Variants in KHDRBS2 observed in about 807,000 individuals in gnomAD.
The protein encoded by KHDRBS2 is KH domain-containing, RNA-binding, signal transduction-associated protein 2.
In KHDRBS2, 26 loss-of-function variants were observed where a neutral mutation model predicts 44.3. The observed-to-expected ratio is 0.59, with a 90% CI of 0.43 to 0.81. The LOEUF (loss-of-function observed/expected upper bound fraction) is 0.81. Among genes scored for constraint, KHDRBS2 ranks in the 40% least tolerant of loss-of-function variants. The pLI is 0.00. For missense variants in KHDRBS2, 476 were observed against 433.1 expected (o/e 1.10, Z -0.88); for synonymous variants, 194 against 151.1 (o/e 1.28, Z -2.08).
chr6:62,220,403 T>C (rs1460477470), intron 1 of KHDRBS2, among the ~76,000 whole-genome samples: 2 of 151,890 alleles, frequency 1.3e-5, no homozygotes, highest in Admixed American at 6.6e-5. Context: ...ACAGTAACAA[T>C]ATTTTGGTGG....
At chr6:61,662,907 C>T in the KHDRBS2 span, among the ~76,000 whole-genome samples, 1 of 151,864 alleles carries the variant, frequency 6.6e-6, no homozygotes, top group African/African-American at 2.4e-5. Context: ...TGGGTATATA[C>T]CCAAAGGATT....
At chr6:61,606,958 T>G in the KHDRBS2 span, among the ~76,000 whole-genome samples, 1 of 152,094 alleles carries the variant, frequency 6.6e-6, no homozygotes, top group Admixed American at 6.5e-5. Flanking sequence ...TGTGATCAAA[T>G]AGTCAAGAAT....
rs376298733 is a variant in KHDRBS2, at chr6:61,736,212, TCACA to T, written c.811-3452_811-3449del. Among the ~76,000 whole-genome samples the T allele has an allele frequency of 1.1e-3, 144 of 135,638 alleles. 1 individual carries two copies. Among genetic ancestry groups the T allele is most frequent in the African/African-American group, 3.2e-3 (116 of 36,348 alleles). 89.0% of individuals were successfully genotyped at this position (135,638 alleles called of 152,430 possible). Reference sequence around the variant, plus strand: ...TATCTCTTATTCTTTTTACTTTACTTCACACACACACACACACACACACACACAC... The same window carrying T: ...TATCTCTTATTCTTTTTACTTTACTTCACACACACACACACACACACACAC... On this transcript the variant is annotated intron_variant, in intron 6 of 8. Coordinates refer to ENST00000281156, the MANE Select transcript of KHDRBS2 (RefSeq NM_152688.4).
In KHDRBS2 at chr6:62,120,626, C is replaced by T. The variant is rs1366433659; in HGVS notation, c.219+56559G>A. Among the ~76,000 whole-genome samples, 3 of 152,134 alleles carry T rather than the reference C, an allele frequency of 2.0e-5. No individual in the cohort carries two copies. The East Asian group carries it at 5.8e-4, about 29-fold the overall frequency. ...AGAGCTCTGGCATTGGCTAATTAAT[C>T]ATGGTATTCCTAGAAGCGAAAATGA... On this transcript the variant is annotated intron_variant, in intron 2 of 8. Transcript: ENST00000281156.
intron 4 of KHDRBS2, among the ~76,000 whole-genome samples, chr6:61,940,358 C>G (rs1309374240): frequency 2.6e-5 from 4 of 152,100 alleles, no homozygotes; most frequent in African/African-American, 9.7e-5. Flanking sequence ...GGTCCATATT[C>G]CCACCATGGA....
At chr6:61,553,950 G>A in the KHDRBS2 span, among the ~76,000 whole-genome samples, 3 of 152,166 alleles carry the variant, frequency 2.0e-5, no homozygotes, top group African/African-American at 4.8e-5. Flanking sequence ...TGTGTGCCAT[G>A]TGCTGATGCA....
chr6:62,069,828 T>A (rs1461973889), intron 2 of KHDRBS2, among the ~76,000 whole-genome samples: 1 of 151,820 alleles, frequency 6.6e-6, no homozygotes, highest in Non-Finnish European at 1.5e-5. Flanking sequence ...AATGGTATCA[T>A]GGTCTGTGTT....
chr6:61,651,829 T>G, the KHDRBS2 span, among the ~76,000 whole-genome samples: 1 of 152,114 alleles, frequency 6.6e-6, no homozygotes, highest in Admixed American at 6.6e-5. Flanking sequence ...ATATCCAGAT[T>G]GTACTGGTAA....
At chr6:61,716,040 C>G (rs1771364388) in intron 7 of KHDRBS2, among the ~76,000 whole-genome samples, 1 of 151,686 alleles carries the variant, frequency 6.6e-6, no homozygotes, top group Non-Finnish European at 1.5e-5. Context: ...AGACTATTAT[C>G]CCTTCTCTTG....
chr6:61,543,254 A>C, the KHDRBS2 span, among the ~76,000 whole-genome samples: 2 of 152,126 alleles, frequency 1.3e-5, no homozygotes, highest in Non-Finnish European at 2.9e-5. Context: ...TCTCAAAAAA[A>C]CTCTACAGGA....
At chr6:61,691,635 A>G (rs561633097) in intron 8 of KHDRBS2, among the ~76,000 whole-genome samples, 35 of 152,180 alleles carry the variant, frequency 2.3e-4, no homozygotes, top group Non-Finnish European at 4.6e-4. Flanking sequence ...TCTCATTTCC[A>G]TTTGTAAGTC....
At position 62,141,558 on chromosome 6, in the gene KHDRBS2, T is replaced by C. The variant is rs541366708; in HGVS notation, c.219+35627A>G. Among the ~76,000 whole-genome samples, 5 of 152,292 alleles carry C rather than the reference T, an allele frequency of 3.3e-5. No individual in the cohort carries two copies. The South Asian group carries it at 8.3e-4, about 25-fold the overall frequency. ...TTTTTCATCTGTTTACTGCAGTACATTGAAGGAAATCTTTTCCCTGTGCCT... is the reference window on the plus strand; with the variant it reads ...TTTTTCATCTGTTTACTGCAGTACACTGAAGGAAATCTTTTCCCTGTGCCT... On this transcript the variant is annotated intron_variant, in intron 2 of 8. Coordinates refer to ENST00000281156, the MANE Select transcript of KHDRBS2 (RefSeq NM_152688.4).
intron 7 of KHDRBS2, among the ~76,000 whole-genome samples, chr6:61,722,055 G>C (rs911154254): frequency 1.3e-5 from 2 of 151,408 alleles, no homozygotes; most frequent in African/African-American, 4.9e-5. Context: ...TTTTGTCTTT[G>C]GTTCTGTTTA....
chr6:62,078,647 T>G (rs1292391988), intron 2 of KHDRBS2, among the ~76,000 whole-genome samples: 1 of 151,972 alleles, frequency 6.6e-6, no homozygotes, highest in African/African-American at 2.4e-5. Flanking sequence ...ATGACAGAAA[T>G]TGAAAGGAAA....
rs539865311 is a variant in KHDRBS2 at position 61,768,290 on chromosome 6, T to C, written c.811-35526A>G. On this transcript the variant is annotated intron_variant, in intron 6 of 8. Coordinates refer to ENST00000281156, the MANE Select transcript of KHDRBS2 (RefSeq NM_152688.4). ...TCTCAGTGCTTAGGATCTTTCTTTATCCTTGATCTTTGGGAGTTTGATTTT... is the reference window on the plus strand; with the variant it reads ...TCTCAGTGCTTAGGATCTTTCTTTACCCTTGATCTTTGGGAGTTTGATTTT... Among the ~76,000 whole-genome samples, 11 of 152,290 alleles carry C rather than the reference T, an allele frequency of 7.2e-5. No individual in the cohort carries two copies. In the East Asian group the frequency reaches 1.9e-3, roughly 27 times the overall value.
In KHDRBS2 at chr6:61,954,583, T is replaced by TA. The variant is rs1562510873; in HGVS notation, c.483+23482_483+23483insT. ...ACACATACATACGTATGTAGACATATTTATGTATATATACACATACATACT... is the reference window on the plus strand; with the variant it reads ...ACACATACATACGTATGTAGACATATATTATGTATATATACACATACATACT... On this transcript the variant is annotated intron_variant, in intron 4 of 8. Transcript: ENST00000281156. 3.3e-3 allele frequency among the ~76,000 whole-genome samples: 460 copies of TA among 139,802 alleles called. 3 individuals carry two copies. Among genetic ancestry groups the TA allele is most frequent in the Admixed American group, 5.0e-3 (70 of 13,922 alleles). 91.7% of individuals were successfully genotyped at this position (139,802 alleles called of 152,430 possible). A position where few individuals can be genotyped will look rare whatever the true frequency, so the allele number is the denominator to read the frequency against.
chr6:61,668,259 C>T, the KHDRBS2 span, among the ~76,000 whole-genome samples: 1 of 150,982 alleles, frequency 6.6e-6, no homozygotes, highest in East Asian at 2.0e-4. Flanking sequence ...TTTAGTAGTC[C>T]TATTTTTTAA....
At chr6:61,621,713 G>A in the KHDRBS2 span, among the ~76,000 whole-genome samples, 1 of 152,182 alleles carries the variant, frequency 6.6e-6, no homozygotes, top group Non-Finnish European at 1.5e-5. Context: ...AGTGTGGGTA[G>A]GACCTCTGAC....
intron 2 of KHDRBS2, among the ~76,000 whole-genome samples, chr6:62,064,597 G>T (rs1793034247): frequency 6.7e-6 from 1 of 148,622 alleles, no homozygotes; most frequent in Non-Finnish European, 1.5e-5. Flanking sequence ...GCTGAAACTG[G>T]ATCCCTTCCT....
Sources: gnomAD v4.1 joint callset for allele counts (sites outside exome capture counted in the v4.1 genomes callset) on GRCh38, gnomAD v4.1.1 for gene constraint, MANE v1.5 for transcripts, NCBI Gene and HGNC (gene_info 2026-07-23, HGNC 2026-07-21) for gene names.